GNA12: variants seen among roughly 807,000 people sequenced by gnomAD.
The protein encoded by GNA12 is guanine nucleotide-binding protein subunit alpha-12.
A neutral mutation model predicts 26.0 loss-of-function variants in GNA12; 9 were observed. That is an observed-to-expected ratio of 0.35 (90% CI 0.21 to 0.60). The LOEUF (loss-of-function observed/expected upper bound fraction) is 0.60, where lower values mean the gene tolerates loss of function less well. Ranked by LOEUF, GNA12 falls within the 20% of genes least tolerant of loss-of-function variation. The pLI is 0.78. For synonymous variants in GNA12, 264 were observed against 219.6 expected, an observed-to-expected ratio of 1.20 and a Z score of -1.79; for missense variants, 405 against 525.8, an observed-to-expected ratio of 0.77 and a Z score of 2.25.
intron 1 of GNA12, among the ~76,000 whole-genome samples, chr7:2,798,582 T>C (rs1300800791): frequency 1.3e-5 from 2 of 152,324 alleles, no homozygotes; most frequent in Non-Finnish European, 1.5e-5. Context: ...GGTACCAATA[T>C]CCTTAAATTA....
chr7:2,752,058 C>G (rs1468326589), intron 2 of GNA12, among the ~76,000 whole-genome samples: 2 of 152,282 alleles, frequency 1.3e-5, no homozygotes, highest in East Asian at 3.9e-4. Context: ...AGAAAAATTA[C>G]AGACCAACTC....
At chr7:2,807,585 G>GA (rs35870081) in intron 1 of GNA12, among the ~76,000 whole-genome samples, 4,774 of 136,076 alleles carry the variant, frequency 0.035, 190 homozygotes, top group African/African-American at 0.097. Flanking sequence ...GTATAAGAGA[G>GA]AAAAAAAAAA....
At chr7:2,843,338 G>A (rs1779057912) in intron 1 of GNA12, among the ~76,000 whole-genome samples, 1 of 152,016 alleles carries the variant, frequency 6.6e-6, no homozygotes. Context: ...ACGGTCCCCA[G>A]GCACCCTAGA....
intron 2 of GNA12, among the ~76,000 whole-genome samples, chr7:2,768,149 A>C (rs1480791913): frequency 6.6e-6 from 1 of 152,186 alleles, no homozygotes; most frequent in Non-Finnish European, 1.5e-5. Flanking sequence ...GCTACCGCTT[A>C]CAGACCTAAT....
chr7:2,843,453 TG>T (rs965946329), intron 1 of GNA12, among the ~76,000 whole-genome samples: 12 of 152,174 alleles, frequency 7.9e-5, no homozygotes, highest in African/African-American at 2.9e-4. Flanking sequence ...GAGACCAGCC[TG>T]GGCAACACAG....
chr7:2,812,271 G>C (rs552401234), intron 1 of GNA12, among the ~76,000 whole-genome samples: 1 of 152,346 alleles, frequency 6.6e-6, no homozygotes, highest in African/African-American at 2.4e-5. Flanking sequence ...TTCTTGGCTT[G>C]CTTTTCCTTC....
At chr7:2,818,759 G>GGA (rs1793273615) in intron 1 of GNA12, among the ~76,000 whole-genome samples, 1 of 114,766 alleles carries the variant, frequency 8.7e-6, no homozygotes, top group African/African-American at 3.4e-5. Flanking sequence ...ACCCTAACTT[G>GGA]AAAAAAAAAA....
intron 1 of GNA12, among the ~76,000 whole-genome samples, chr7:2,827,711 G>A (rs1793516541): frequency 6.6e-6 from 1 of 152,164 alleles, no homozygotes; most frequent in African/African-American, 2.4e-5. Context: ...ACCACTCAGA[G>A]AAAGGAGTTA....
intron 1 of GNA12, among the ~76,000 whole-genome samples, chr7:2,841,604 G>C (rs559718747): frequency 6.6e-6 from 1 of 151,936 alleles, no homozygotes; most frequent in Non-Finnish European, 1.5e-5. Flanking sequence ...AATGAAAAAG[G>C]GTGTTTTATC....
At chr7:2,733,542 A>C in intron 2 of GNA12, 41 bp from the exon 3 acceptor site, 1 of 1,520,292 alleles carries the variant, frequency 6.6e-7, no homozygotes, top group Non-Finnish European at 9.1e-7. Context: ...GTCTGGACTG[A>C]GGAATCCTGA....
chr7:2,770,586 G>A (rs1253560615), intron 2 of GNA12, among the ~76,000 whole-genome samples: 3 of 152,108 alleles, frequency 2.0e-5, no homozygotes, highest in African/African-American at 4.8e-5. Context: ...AAGCGTGCCT[G>A]TGAAAAGCCA....
intron 2 of GNA12, among the ~76,000 whole-genome samples, chr7:2,744,713 A>G (rs1790683230): frequency 6.6e-6 from 1 of 152,184 alleles, no homozygotes; most frequent in Admixed American, 6.5e-5. Flanking sequence ...AGACAATCAA[A>G]CTACTCTGAG....
chr7:2,793,333 C>T (rs764864218), intron 2 of GNA12, among the ~76,000 whole-genome samples: 5 of 146,250 alleles, frequency 3.4e-5, no homozygotes, highest in African/African-American at 1.1e-4. Flanking sequence ...GGACAGGACG[C>T]GAGAGGAAGC....
intron 2 of GNA12, among the ~76,000 whole-genome samples, chr7:2,785,962 G>A (rs1372911801): frequency 2.0e-5 from 3 of 152,240 alleles, no homozygotes; most frequent in Non-Finnish European, 2.9e-5. Context: ...AGCTACTCGG[G>A]AGGCTGAGGC....
rs1792442523 is a variant in GNA12, at chr7:2,789,116, G to A, written c.525+5812C>T. The stretch of plus-strand genomic sequence containing the variant: ...AGTACAGGCGTGAGCCACCGTGCCC[G>A]GACCCCTTCAGGCATCTTTTTTTTT... On this transcript the variant is annotated intron_variant, in intron 2 of 3. Coordinates refer to ENST00000275364, the MANE Select transcript of GNA12 (RefSeq NM_007353.3). 1.4e-5 allele frequency among the ~76,000 whole-genome samples: 2 copies of A among 143,302 alleles called. 1 individual carries two copies. The highest frequency in any genetic ancestry group is 4.4e-4 in the South Asian group (2 of 4,498). The allele number at this position is 143,302 out of a possible 152,430, so 94.0% of individuals were successfully genotyped here. A position where few individuals can be genotyped will look rare whatever the true frequency, so the allele number is the denominator to read the frequency against.
chr7:2,841,957 G>C (rs1249892493), intron 1 of GNA12, among the ~76,000 whole-genome samples: 3 of 147,050 alleles, frequency 2.0e-5, no homozygotes, highest in Non-Finnish European at 3.0e-5. Flanking sequence ...CCCCAAAATG[G>C]GCTGGGGAAA....
intron 2 of GNA12, among the ~76,000 whole-genome samples, chr7:2,775,913 T>C (rs1462523741): frequency 2.0e-5 from 3 of 152,188 alleles, no homozygotes; most frequent in Non-Finnish European, 4.4e-5. Flanking sequence ...AAAAGGTCCG[T>C]ACAGCTAGGC....
intron 1 of GNA12, among the ~76,000 whole-genome samples, chr7:2,828,753 C>A (rs1473554863): frequency 6.6e-6 from 1 of 152,080 alleles, no homozygotes; most frequent in Non-Finnish European, 1.5e-5. Flanking sequence ...GTGGATATAC[C>A]CATATGAAAA....
intron 2 of GNA12, among the ~76,000 whole-genome samples, chr7:2,757,593 G>A (rs1033038155): frequency 2.0e-5 from 3 of 152,336 alleles, no homozygotes; most frequent in African/African-American, 7.2e-5. Context: ...AGCAGAGCAC[G>A]TGGCGAACTC....
Sources: allele counts gnomAD v4.1 joint callset (sites outside exome capture counted in the v4.1 genomes callset), GRCh38; gene constraint gnomAD v4.1.1; transcripts MANE v1.5; gene names NCBI Gene and HGNC (gene_info 2026-07-23, HGNC 2026-07-21).